Variants in PLCH1 observed in about 807,000 individuals in gnomAD.
PLCH1 encodes phospholipase C eta 1, also known as 1-phosphatidylinositol 4,5-bisphosphate phosphodiesterase eta-1.
A neutral mutation model predicts 126.7 loss-of-function variants in PLCH1; 60 were observed. That is an observed-to-expected ratio of 0.47 (90% CI 0.38 to 0.59). The LOEUF (loss-of-function observed/expected upper bound fraction) is 0.59. Ranked by LOEUF, PLCH1 falls within the 20% of genes least tolerant of loss-of-function variation. The pLI, the probability that PLCH1 is intolerant of heterozygous loss-of-function variation, is 0.00. For synonymous variants in PLCH1, 719 were observed against 734.9 expected (o/e 0.98, Z 0.35); for missense variants, 1,723 against 2,040.0 (o/e 0.84, Z 2.99).
At chr3:155,643,410 C>CTA (rs1261407801) in intron 2 of PLCH1, among the ~76,000 whole-genome samples, 1 of 152,176 alleles carries the variant, frequency 6.6e-6, no homozygotes, top group Non-Finnish European at 1.5e-5. Flanking sequence ...GCTGATCTGA[C>CTA]TATATACTCA....
intron 11 of PLCH1, among the ~76,000 whole-genome samples, chr3:155,516,524 C>T (rs1560098740): frequency 1.3e-5 from 2 of 152,094 alleles, no homozygotes; most frequent in African/African-American, 4.8e-5. Flanking sequence ...AGCGGAGGGA[C>T]TTGAAAGCAA....
Position 155,583,482 on chromosome 3 carries a change from A to G in PLCH1, c.761T>C (p.Val254Ala). The change falls in exon 6 of 23, where the codon GTG becomes GCG. Residue 254 changes from valine to alanine, a missense_variant. Physicochemically the swap from Val to Ala is moderately conservative, Grantham distance 64. Transcript: ENST00000460012. ...ACAGTCTAATGATACCTTTTGCTCCACCTTCAAAAACTGAGCCAGTTCTTC... is the reference window on the plus strand; with the variant it reads ...ACAGTCTAATGATACCTTTTGCTCCGCCTTCAAAAACTGAGCCAGTTCTTC... ...TVEELAQFLK[V>A]EQKMNNVTTD... 6.2e-7 allele frequency: 1 copy of G among 1,602,600 alleles called. No homozygotes were observed. Among genetic ancestry groups the G allele is most frequent in the South Asian group, 1.1e-5 (1 of 88,608 alleles).
intron 21 of PLCH1, among the ~76,000 whole-genome samples, chr3:155,467,130 C>A (rs1198189792): frequency 6.6e-6 from 1 of 151,806 alleles, no homozygotes; most frequent in Admixed American, 6.6e-5. Flanking sequence ...ATATCAATAT[C>A]CAAATACAAA....
At chr3:155,549,610 CT>C (rs1266310822) in intron 10 of PLCH1, among the ~76,000 whole-genome samples, 176 bp downstream of exon 10, 1 of 152,130 alleles carries the variant, frequency 6.6e-6, no homozygotes, top group Non-Finnish European at 1.5e-5. Flanking sequence ...CAACAATAAG[CT>C]TCTTCTGAAG....
intron 2 of PLCH1, among the ~76,000 whole-genome samples, chr3:155,633,029 C>T (rs1246075253): frequency 2.0e-5 from 3 of 152,052 alleles, no homozygotes; most frequent in African/African-American, 7.2e-5. Flanking sequence ...TTTTCCCTTC[C>T]CTGAGTGTGA....
chr3:155,596,395 A>G lies in PLCH1; in HGVS notation c.80-17T>C. 6.2e-7 allele frequency: 1 copy of G among 1,607,612 alleles called. No individual in the cohort carries two copies. Among genetic ancestry groups the G allele is most frequent in the Non-Finnish European group, 8.5e-7 (1 of 1,176,164 alleles). On this transcript the variant is annotated splice_polypyrimidine_tract_variant and intron_variant, in intron 2 of 22. Transcript: ENST00000460012. ...ATCTTTCAACTGCAAAAGAAATTAG[A>G]GTGTATCCAGCTATCACACAATGCA...
chr3:155,689,014 T>C (rs1189812740), intron 2 of PLCH1, among the ~76,000 whole-genome samples: 1 of 152,190 alleles, frequency 6.6e-6, no homozygotes, highest in Non-Finnish European at 1.5e-5. Context: ...TCCCAGTCAG[T>C]GCCATGCTGG....
chr3:155,497,211 T>G (rs1259817029), intron 15 of PLCH1, 109 bp downstream of exon 15: 2 of 752,790 alleles, frequency 2.7e-6, no homozygotes, highest in African/African-American at 3.5e-5. Flanking sequence ...TTCTACATAG[T>G]CCCAAAAATG....
chr3:155,590,476 G>A (rs1022484912), intron 4 of PLCH1, among the ~76,000 whole-genome samples: 9 of 149,740 alleles, frequency 6.0e-5, no homozygotes, highest in Non-Finnish European at 1.3e-4. Context: ...TACTCGGGAG[G>A]CTGAGGCAGG....
chr3:155,570,126 T>A (rs751240857), intron 6 of PLCH1, among the ~76,000 whole-genome samples: 6 of 152,180 alleles, frequency 3.9e-5, no homozygotes, highest in African/African-American at 1.4e-4. Flanking sequence ...TAAAACCCCA[T>A]AATAATGAGA....
intron 5 of PLCH1, 127 bp from the exon 6 acceptor site, chr3:155,583,769 GAGCACACATTCTCTTCA>G (rs1731010953): frequency 2.2e-5 from 13 of 591,542 alleles, no homozygotes; most frequent in South Asian, 1.6e-4. Context: ...CATTCTCTTC[GAGCACACATTCTCTTCA>G]AGCACACATG....
intron 1 of PLCH1, among the ~76,000 whole-genome samples, chr3:155,709,006 G>A (rs1002582469): frequency 3.9e-5 from 6 of 152,030 alleles, no homozygotes; most frequent in Admixed American, 6.6e-5. Context: ...TGCCTTTTCC[G>A]GGATGTCTTA....
At chr3:155,513,537 G>A (rs978231670) in intron 12 of PLCH1, among the ~76,000 whole-genome samples, 2 of 152,212 alleles carry the variant, frequency 1.3e-5, no homozygotes, top group African/African-American at 4.8e-5. Context: ...CCAAGGACAA[G>A]AAGCAGAATC....
intron 21 of PLCH1, chr3:155,456,869 T>C (rs1712457293): frequency 1.3e-5 from 2 of 153,000 alleles, no homozygotes; most frequent in Admixed American, 6.5e-5. Flanking sequence ...CATCGCTGCC[T>C]CCAGGCAAGG....
intron 14 of PLCH1, among the ~76,000 whole-genome samples, chr3:155,498,049 T>G (rs1717326321): frequency 6.6e-6 from 1 of 152,226 alleles, no homozygotes; most frequent in South Asian, 2.1e-4. Context: ...CTTAGTAGCA[T>G]GATGAAATCT....
intron 2 of PLCH1, among the ~76,000 whole-genome samples, chr3:155,638,685 C>T (rs1240457458): frequency 6.6e-6 from 1 of 152,190 alleles, no homozygotes; most frequent in African/African-American, 2.4e-5. Context: ...CTTAGAGCCT[C>T]CAGCTTCCCA....
chr3:155,743,224 T>C (rs1278755978), intron 1 of PLCH1: 7 of 453,946 alleles, frequency 1.5e-5, no homozygotes, highest in Non-Finnish European at 3.1e-5. Flanking sequence ...ATTCACAATT[T>C]TATGAAAATG....
Position 155,504,601 on chromosome 3 carries a change from T to C in PLCH1, c.1658A>G (p.Lys553Arg). 6.2e-7 allele frequency: 1 copy of C among 1,607,116 alleles called. No individual in the cohort carries two copies. Among genetic ancestry groups the C allele is most frequent in the South Asian group, 1.1e-5 (1 of 90,958 alleles). The change falls in exon 13 of 23, where the codon AAG becomes AGG. Residue 553 changes from lysine to arginine, a missense_variant. By Grantham distance (26) the Lys-to-Arg change is conservative. Coordinates refer to ENST00000460012, the MANE Select transcript of PLCH1 (RefSeq NM_014996.4). ...KQSPDVKESG[K>R]KSHGRSLMTN... is the part of the protein sequence containing the mutation. ...CATGAGGGATCGTCCATGTGATTTC[T>C]TTCCACTTTCCTTTACATCTGGACT...
chr3:155,597,668 T>C (rs1733154068), intron 2 of PLCH1, among the ~76,000 whole-genome samples: 1 of 152,150 alleles, frequency 6.6e-6, no homozygotes, highest in Non-Finnish European at 1.5e-5. Flanking sequence ...GATAATCTCA[T>C]CCAACACCTT....
Sources: allele counts gnomAD v4.1 joint callset (sites outside exome capture counted in the v4.1 genomes callset), GRCh38; gene constraint gnomAD v4.1.1; transcripts MANE v1.5; gene names NCBI Gene and HGNC (gene_info 2026-07-23, HGNC 2026-07-21).